ZNF592: variants seen among roughly 807,000 people sequenced by gnomAD.
ZNF592 encodes zinc finger protein 592.
In ZNF592, 11 loss-of-function variants were observed where a neutral mutation model predicts 80.3. That is an observed-to-expected ratio of 0.14 (90% CI 0.09 to 0.23). The LOEUF (loss-of-function observed/expected upper bound fraction) is 0.23, where lower values mean the gene tolerates loss of function less well. ZNF592 is among the 10% of genes least tolerant of loss of function. The probability of loss-of-function intolerance (pLI) is 1.00; values close to 1 mark genes in which losing one functional copy is unlikely to be tolerated. For missense variants in ZNF592, 1,420 were observed against 1,633.9 expected (o/e 0.87, Z 2.26); for synonymous variants, 646 against 640.3 (o/e 1.01, Z -0.13).
At chr15:84,761,370 G>T (rs1248490332) in intron 1 of ZNF592, among the ~76,000 whole-genome samples, 1 of 151,980 alleles carries the variant, frequency 6.6e-6, no homozygotes, top group Non-Finnish European at 1.5e-5. Context: ...GACCAGAGAG[G>T]GCAAGGAAAG....
At chr15:84,793,836 C>T (rs1481090230) in intron 5 of ZNF592, among the ~76,000 whole-genome samples, 2 of 152,156 alleles carry the variant, frequency 1.3e-5, no homozygotes, top group African/African-American at 4.8e-5. Context: ...GTATTTCATT[C>T]CTTATTATGG....
At chr15:84,773,503 G>A (rs937396807) in intron 2 of ZNF592, among the ~76,000 whole-genome samples, 1 of 151,866 alleles carries the variant, frequency 6.6e-6, no homozygotes, top group African/African-American at 2.4e-5. Context: ...GAGCCATCGC[G>A]CCCGGCCCCC....
Position 84,784,526 on chromosome 15 carries a change from C to T in ZNF592, c.1851C>T (p.Cys617=), listed in dbSNP as rs1014981050. ...GGAGCGTCCACATTGAGGTACTGTG[C>T]ACACTGTGCTCCAAGACGCTGCTCT... is the stretch of plus-strand genomic sequence containing the variant. The part of the protein sequence containing the change: ...GRRSVHIEVL[C]TLCSKTLLFF... The change falls in exon 4 of 11, where the codon TGC becomes TGT. Residue 617 remains cysteine (C), a synonymous_variant. Transcript: ENST00000560079. The surrounding 1 kb of genome is among the most constrained non-coding windows in gnomAD (Gnocchi z 5.8). The T allele has an allele frequency of 1.9e-6, 3 of 1,614,220 alleles. No individual in the cohort carries two copies. Among genetic ancestry groups the T allele is most frequent in the African/African-American group, 1.3e-5 (1 of 75,062 alleles).
chr15:84,800,920 C>T (rs1963076501), intron 10 of ZNF592, among the ~76,000 whole-genome samples: 1 of 152,232 alleles, frequency 6.6e-6, no homozygotes, highest in Admixed American at 6.5e-5. Context: ...GGTTAGTGTG[C>T]TGCCTTTAGA....
Position 84,799,331 on chromosome 15 carries a change from A to C in ZNF592, c.3137+121A>C. The stretch of plus-strand genomic sequence containing the variant: ...TAAGACAAGAGACAAGTGATTTCCA[A>C]CTGGAAGAAATTGCGGCTAAGTCAG... On this transcript the variant is annotated intron_variant, in intron 9 of 10. Coordinates refer to ENST00000560079, the MANE Select transcript of ZNF592 (RefSeq NM_014630.3). This position sits in a 1 kb window ranked among gnomAD's most constrained non-coding sequence, Gnocchi z 4.2. The C allele has an allele frequency of 9.2e-7, 1 of 1,084,604 alleles. No homozygotes were observed. Among genetic ancestry groups the C allele is most frequent in the Non-Finnish European group, 1.4e-6 (1 of 712,436 alleles). 67.2% of individuals were successfully genotyped at this position (1,084,604 alleles called of 1,614,324 possible). A position where few individuals can be genotyped will look rare whatever the true frequency, so the allele number is the denominator to read the frequency against.
chr15:84,786,735 T>G (rs529384637), intron 4 of ZNF592, among the ~76,000 whole-genome samples: 1 of 151,994 alleles, frequency 6.6e-6, no homozygotes, highest in African/African-American at 2.4e-5. Flanking sequence ...CATGGTTGAG[T>G]TGGGCCAGGT....
At position 84,774,559 on chromosome 15, in the gene ZNF592, G is replaced by A. The variant is rs142742258; in HGVS notation, c.-149-3624G>A. On this transcript the variant is annotated intron_variant, in intron 2 of 10. Transcript: ENST00000560079. ...TCACTAGTCCAAAATTAGTCAATGG[G>A]TTAAAAGCTCTGTTTATATTTCCCC... 3.9e-3 allele frequency among the ~76,000 whole-genome samples: 590 copies of A among 152,262 alleles called. 7 individuals carry two copies. Among genetic ancestry groups the A allele is most frequent in the African/African-American group, 0.014 (565 of 41,554 alleles).
At position 84,784,953 on chromosome 15, in the gene ZNF592, C is replaced by T. The variant is rs1472510085; in HGVS notation, c.2220+58C>T. Reference sequence around the variant, plus strand: ...CCCCTGGCTCACACAGGTTCCATGACTGGGCATGGAGAGGAAAGCTCATTG... The same window carrying T: ...CCCCTGGCTCACACAGGTTCCATGATTGGGCATGGAGAGGAAAGCTCATTG... On this transcript the variant is annotated intron_variant, in intron 4 of 10. Transcript: ENST00000560079. The surrounding 1 kb of genome is among the most constrained non-coding windows in gnomAD (Gnocchi z 5.8). The T allele has an allele frequency of 1.3e-5, 20 of 1,596,370 alleles. No individual in the cohort carries two copies. The highest frequency in any genetic ancestry group is 1.5e-5 in the Non-Finnish European group (18 of 1,164,954).
intron 3 of ZNF592, among the ~76,000 whole-genome samples, chr15:84,778,612 C>G (rs1466773864): frequency 6.6e-6 from 1 of 152,128 alleles, no homozygotes; most frequent in Non-Finnish European, 1.5e-5. Context: ...CTCTAAGAGC[C>G]GGGGCTTTAC....
At chr15:84,800,667 G>GGGGGTATCGATTGATGTTTTT (rs1963066658) in intron 10 of ZNF592, among the ~76,000 whole-genome samples, 1 of 152,216 alleles carries the variant, frequency 6.6e-6, no homozygotes, top group Non-Finnish European at 1.5e-5. Flanking sequence ...CGTAGTAGCT[G>GGGGGTATCGATTGATGTTTTT]GGGGTATCGA....
intron 3 of ZNF592, among the ~76,000 whole-genome samples, chr15:84,778,791 T>C (rs1962339798): frequency 6.6e-6 from 1 of 152,202 alleles, no homozygotes; most frequent in South Asian, 2.1e-4. Flanking sequence ...CAGCTAGGGC[T>C]CTTCCTGGGG....
At chr15:84,780,064 G>A (rs1342772093) in intron 3 of ZNF592, among the ~76,000 whole-genome samples, 1 of 143,828 alleles carries the variant, frequency 7.0e-6, no homozygotes, top group Non-Finnish European at 1.5e-5. Context: ...TCGACTCACT[G>A]CAACCTCCTC....
chr15:84,780,096 C>T (rs967771079), intron 3 of ZNF592, among the ~76,000 whole-genome samples: 5 of 150,582 alleles, frequency 3.3e-5, no homozygotes, highest in African/African-American at 1.2e-4. Context: ...AAGTGATTCT[C>T]CTGCTTCAGC....
chr15:84,784,505 C>CG lies in ZNF592; in HGVS notation c.1831dup (p.Val611GlyfsTer4). On this transcript the variant is annotated frameshift_variant, in exon 4 of 11. Transcript: ENST00000560079. LOFTEE classifies it high-confidence loss of function. The surrounding 1 kb of genome is among the most constrained non-coding windows in gnomAD (Gnocchi z 5.8). ...TGAGCCAGCACTATGGCCGGCGGAGCGTCCACATTGAGGTACTGTGCACAC... is the reference window on the plus strand; with the variant it reads ...TGAGCCAGCACTATGGCCGGCGGAGCGGTCCACATTGAGGTACTGTGCACAC... The CG allele has an allele frequency of 6.2e-7, 1 of 1,614,166 alleles. No homozygotes were observed.
intron 5 of ZNF592, among the ~76,000 whole-genome samples, chr15:84,792,064 A>C (rs760131626): frequency 6.7e-6 from 1 of 148,344 alleles, no homozygotes; most frequent in African/African-American, 2.5e-5. Context: ...AAGCGAACAC[A>C]TATATTAGTG....
Position 84,803,345 on chromosome 15 carries a change from A to G in ZNF592, c.*952A>G, listed in dbSNP as rs575428318. The stretch of plus-strand genomic sequence containing the variant: ...CTCCAAGTGAGCCTGGCCCCACCCT[A>G]TTCCACCCAAGGGTCTTTCCCAGAC... On this transcript the variant is annotated 3_prime_UTR_variant, in exon 11 of 11. Transcript: ENST00000560079. The G allele has an allele frequency of 1.3e-5, 2 of 152,716 alleles. No homozygotes were observed. The highest frequency in any genetic ancestry group is 2.1e-4 in the South Asian group (1 of 4,824). The allele number at this position is 152,716 out of a possible 1,614,324, so 9.5% of individuals were successfully genotyped here.
chr15:84,779,989 G>GT (rs1402357185), intron 3 of ZNF592, among the ~76,000 whole-genome samples: 9,962 of 138,888 alleles, frequency 0.072, 488 homozygotes, highest in Non-Finnish European at 0.081. Flanking sequence ...AGACAGTTTT[G>GT]TTTTTTTTTT....
intron 1 of ZNF592, among the ~76,000 whole-genome samples, chr15:84,761,595 T>C (rs1013356569): frequency 1.3e-5 from 2 of 152,198 alleles, no homozygotes; most frequent in African/African-American, 4.8e-5. Context: ...AGGGTCATCC[T>C]CAGGTTGCTG....
chr15:84,790,791 C>T lies in ZNF592; in HGVS notation c.2307C>T (p.Cys769=). ...QRIHAHKSPY[C]CPECGVLCRS... ...TTCATGCACACAAGTCCCCCTACTG[C>T]TGCCCGGAGTGTGGGGTCCTCTGCC... The change falls in exon 5 of 11, where the codon TGC becomes TGT. Residue 769 remains cysteine, a synonymous_variant. Transcript: ENST00000560079. The T allele has an allele frequency of 6.2e-7, 1 of 1,614,238 alleles. No homozygotes were observed. Among genetic ancestry groups the T allele is most frequent in the Non-Finnish European group, 8.5e-7 (1 of 1,180,046 alleles).
Sources: allele counts gnomAD v4.1 joint callset (sites outside exome capture counted in the v4.1 genomes callset), GRCh38; gene constraint gnomAD v4.1.1; non-coding constraint Gnocchi (gnomAD v3.1); transcripts MANE v1.5; gene names NCBI Gene and HGNC (gene_info 2026-07-23, HGNC 2026-07-21).